Variants in SMG1 observed in about 807,000 individuals in gnomAD.
SMG1 encodes the protein serine/threonine-protein kinase SMG1.
In SMG1, 22 loss-of-function variants were observed where a neutral mutation model predicts 419.9. That is an observed-to-expected ratio of 0.05 (90% CI 0.04 to 0.07). The LOEUF (loss-of-function observed/expected upper bound fraction) is 0.07, where lower values mean the gene tolerates loss of function less well. SMG1 is among the 10% of genes least tolerant of loss of function. The pLI is 1.00. For missense variants in SMG1, 3,185 were observed against 4,342.0 expected, an observed-to-expected ratio of 0.73 and a Z score of 7.49; for synonymous variants, 1,538 against 1,553.5, an observed-to-expected ratio of 0.99 and a Z score of 0.23.
At chr16:18,854,993 C>T (rs2034817957) in intron 29 of SMG1, 89 bp from the exon 30 acceptor site, 3 of 1,266,208 alleles carry the variant, frequency 2.4e-6, no homozygotes, top group African/African-American at 3.0e-5. Flanking sequence ...CCCAACTATC[C>T]CTCTTCTGCA....
At position 18,844,159 on chromosome 16, in the gene SMG1, T is replaced by C. The variant is rs1256106294; in HGVS notation, c.6219+1270A>G. 3.9e-5 allele frequency among the ~76,000 whole-genome samples: 6 copies of C among 152,080 alleles called. No individual in the cohort carries two copies. In the East Asian group the frequency reaches 1.2e-3, roughly 29 times the overall value. ...ACAAGGAAACGCAGGCCGGGAGCAGTGGCTCACACCTGTAATCCCAGCACT... is the reference window on the plus strand; with the variant it reads ...ACAAGGAAACGCAGGCCGGGAGCAGCGGCTCACACCTGTAATCCCAGCACT... On this transcript the variant is annotated intron_variant, in intron 39 of 62. Transcript: ENST00000446231.
intron 23 of SMG1, among the ~76,000 whole-genome samples, 155 bp from the exon 24 acceptor site, chr16:18,864,299 G>A (rs1157434242): frequency 6.9e-6 from 1 of 145,388 alleles, no homozygotes; most frequent in Admixed American, 7.1e-5. Flanking sequence ...GGGTACAAGC[G>A]ATTTTCCCAC....
chr16:18,828,789 G>A (rs1048700461), intron 54 of SMG1, among the ~76,000 whole-genome samples: 14 of 152,218 alleles, frequency 9.2e-5, no homozygotes, highest in Non-Finnish European at 1.6e-4. Context: ...ACCTAGGCTC[G>A]GGAGTTCGAG....
chr16:18,898,778 A>G (rs1447987519), intron 1 of SMG1, among the ~76,000 whole-genome samples: 2 of 152,198 alleles, frequency 1.3e-5, no homozygotes, highest in Non-Finnish European at 2.9e-5. Flanking sequence ...CTTATCTCCT[A>G]TACTACCTTT....
chr16:18,847,465 T>G lies in SMG1; in HGVS notation c.5984A>C (p.Asn1995Thr), dbSNP rs374945167. The G allele has an allele frequency of 4.9e-4, 783 of 1,614,048 alleles. No individual in the cohort carries two copies. The highest frequency in any genetic ancestry group is 6.0e-4 in the Non-Finnish European group (711 of 1,179,894). ...TATGGAAACATACTTGCGTAAGGTGTTGTTGTTCTGGACTCTCTTCACCTC... is the reference window on the plus strand; with the variant it reads ...TATGGAAACATACTTGCGTAAGGTGGTGTTGTTCTGGACTCTCTTCACCTC... ...EDEVKRVQNNNTLRKEEKIAI... is the reference protein window; with the variant it reads ...EDEVKRVQNNTTLRKEEKIAI... The change falls in exon 38 of 63, where the codon AAC becomes ACC. Residue 1995 changes from asparagine to threonine, a missense_variant. Asn to Thr is a moderately conservative substitution (Grantham distance 65, BLOSUM62 0). This residue lies in a region of SMG1 where 159 missense variants were observed against 196.0 expected (regional missense o/e 0.81). Transcript: ENST00000446231.
In SMG1 at chr16:18,885,618, C is replaced by G; in HGVS notation, c.871G>C (p.Glu291Gln). 6.3e-7 allele frequency: 1 copy of G among 1,596,014 alleles called. No individual in the cohort carries two copies. Among genetic ancestry groups the G allele is most frequent in the Non-Finnish European group, 8.5e-7 (1 of 1,179,466 alleles). The change falls in exon 7 of 63, where the codon GAA becomes CAA. Residue 291 changes from glutamate to glutamine, a missense_variant. Around this residue, in one of 27 missense-constraint regions of SMG1, gnomAD observed 53 missense variants for 56.3 expected, o/e 0.94. Transcript: ENST00000446231. Reference protein sequence around the residue: ...QSILENVDTPELLCKCVKCIL... With the variant: ...QSILENVDTPQLLCKCVKCIL... ...CACTTAACACATTTACAAAGCAATT[C>G]TGGTGTATCCACATTTTCAAGAATA...
chr16:18,845,484 A>C lies in SMG1; in HGVS notation c.6164T>G (p.Leu2055Arg). The C allele has an allele frequency of 6.2e-7, 1 of 1,613,978 alleles. No homozygotes were observed. Among genetic ancestry groups the C allele is most frequent in the Non-Finnish European group, 8.5e-7 (1 of 1,179,878 alleles). ...GDAIENALEK[L>R]KTPLNPAKPG... The stretch of plus-strand genomic sequence containing the variant: ...CTTTGCAGGGTTCAATGGAGTCTTC[A>C]GTTTTTCTAGGGCATTTTCAATGGC... The change falls in exon 39 of 63, where the codon CTG becomes CGG. Residue 2055 changes from leucine to arginine, a missense_variant. By Grantham distance (102) the Leu-to-Arg change is moderately radical. Transcript: ENST00000446231.
chr16:18,852,554 G>T, intron 31 of SMG1, 92 bp from the exon 32 acceptor site: 1 of 1,133,942 alleles, frequency 8.8e-7, no homozygotes, highest in Non-Finnish European at 1.2e-6. Context: ...AGCATTTTAG[G>T]TTTTTATCTG....
Position 18,815,106 on chromosome 16 carries a change from T to C in SMG1, c.10621+69A>G. The C allele has an allele frequency of 3.1e-6, 3 of 967,984 alleles. No homozygotes were observed. The Admixed American group carries it at 6.6e-5, about 21-fold the overall frequency. The allele number at this position is 967,984 out of a possible 1,614,324, so 60.0% of individuals were successfully genotyped here. A position where few individuals can be genotyped will look rare whatever the true frequency, so the allele number is the denominator to read the frequency against. The stretch of plus-strand genomic sequence containing the variant: ...AAGTGTTTAATATTAGACAGTTATG[T>C]ATAATTAAACATCTTAGCATCTATG... On this transcript the variant is annotated intron_variant, in intron 60 of 62. Coordinates refer to ENST00000446231, the MANE Select transcript of SMG1 (RefSeq NM_015092.5).
At chr16:18,910,232 ATT>A (rs34246490) in intron 1 of SMG1, among the ~76,000 whole-genome samples, 17 of 136,456 alleles carry the variant, frequency 1.2e-4, no homozygotes, top group East Asian at 2.1e-4. Context: ...ATGCCCAGCT[ATT>A]TTTTTTTTTT....
intron 6 of SMG1, among the ~76,000 whole-genome samples, chr16:18,887,719 A>T (rs921199128): frequency 2.5e-5 from 3 of 118,342 alleles, no homozygotes; most frequent in Admixed American, 1.0e-4. Flanking sequence ...TTTCCTTTAT[A>T]TTTTTTAAAC....
Position 18,830,014 on chromosome 16 carries a change from C to A in SMG1, c.9045G>T (p.Gln3015His). ...VNFFDDDNHR[Q>H]VLEEIFFLKR... ...TTAGAAAGAAAATCTCTTCTAGCAC[C>A]TGCCGGTGATTATCATCATCAAAAA... Residue 3015 changes from glutamine (Q) to histidine (H), a missense_variant, in exon 53 of 63, where the codon CAG (glutamine) becomes CAT (histidine). Coordinates refer to ENST00000446231, the MANE Select transcript of SMG1 (RefSeq NM_015092.5). 2 of 1,594,980 alleles carry A rather than the reference C, an allele frequency of 1.3e-6. No individual in the cohort carries two copies. The highest frequency in any genetic ancestry group is 1.1e-5 in the South Asian group (1 of 88,310).
chr16:18,893,015 A>C (rs1003301399), intron 3 of SMG1, among the ~76,000 whole-genome samples: 2 of 152,216 alleles, frequency 1.3e-5, no homozygotes, highest in African/African-American at 4.8e-5. Flanking sequence ...GCAGGTAAAG[A>C]GCCCGGGTGT....
At chr16:18,829,796 C>G in intron 53 of SMG1, 41 bp from the exon 54 acceptor site, 2 of 1,543,662 alleles carry the variant, frequency 1.3e-6, no homozygotes, top group South Asian at 1.2e-5. Context: ...TGAAAAAAAT[C>G]AGGTAATATG....
At chr16:18,839,248 T>C (rs571672443) in intron 42 of SMG1, among the ~76,000 whole-genome samples, 27 of 151,820 alleles carry the variant, frequency 1.8e-4, no homozygotes, top group Middle Eastern at 3.4e-3. Context: ...CGTGAGTAAA[T>C]TGTATGTCAC....
intron 1 of SMG1, among the ~76,000 whole-genome samples, chr16:18,921,725 T>G (rs1245204268): frequency 8.5e-5 from 13 of 152,234 alleles, no homozygotes; most frequent in Non-Finnish European, 1.9e-4. Flanking sequence ...GATAAAAGGC[T>G]GAATAGACAA....
At chr16:18,869,687 C>T (rs1319516302) in intron 19 of SMG1, among the ~76,000 whole-genome samples, 167 bp downstream of exon 19, 5 of 152,028 alleles carry the variant, frequency 3.3e-5, no homozygotes, top group African/African-American at 1.2e-4. Context: ...CAGATGCTAT[C>T]TTCAAAGCAA....
In SMG1 at chr16:18,879,598, G is replaced by C. The variant is rs1289670373; in HGVS notation, c.1415C>G (p.Thr472Ser). 3 of 1,359,746 alleles carry C rather than the reference G, an allele frequency of 2.2e-6. No homozygotes were observed. Among genetic ancestry groups the C allele is most frequent in the Admixed American group, 2.0e-5 (1 of 51,138 alleles). 84.2% of individuals were successfully genotyped at this position (1,359,746 alleles called of 1,614,324 possible). A position where few individuals can be genotyped will look rare whatever the true frequency, so the allele number is the denominator to read the frequency against. ...VLLGSLDPSM[T>S]IHCDMVITYG... is the part of the protein sequence containing the mutation. ...TGTAATGACCATGTCACAATGTATA[G>C]TCATGCTAGGATCCAAGCTGCCGAG... The change falls in exon 11 of 63, where the codon ACT (threonine) becomes AGT (serine). Residue 472 changes from threonine (T) to serine (S), a missense_variant. Coordinates refer to ENST00000446231, the MANE Select transcript of SMG1 (RefSeq NM_015092.5).
intron 1 of SMG1, among the ~76,000 whole-genome samples, chr16:18,919,633 A>AGTGT (rs1567466538): frequency 1.0e-5 from 1 of 96,222 alleles, no homozygotes; most frequent in Non-Finnish European, 2.4e-5. Context: ...CAAAAAAAAA[A>AGTGT]ATGTGTGTGT....
Sources: allele counts gnomAD v4.1 joint callset (sites outside exome capture counted in the v4.1 genomes callset), GRCh38; gene constraint gnomAD v4.1.1; regional missense constraint gnomAD v4.1.1; transcripts MANE v1.5; gene names NCBI Gene and HGNC (gene_info 2026-07-23, HGNC 2026-07-21).